The following CNTNAP3 variants were observed in gnomAD, a reference collection of about 807,000 sequenced individuals.
CNTNAP3 encodes contactin associated protein family member 3, also known as contactin-associated protein-like 3.
CNTNAP3 carries 36 observed loss-of-function variants against 92.1 expected under a neutral mutation model. The observed-to-expected ratio is 0.39, with a 90% confidence interval of 0.30 to 0.52. The LOEUF (loss-of-function observed/expected upper bound fraction) is 0.52, where lower values mean the gene tolerates loss of function less well. Among genes scored for constraint, CNTNAP3 ranks in the 20% least tolerant of loss-of-function variants. CNTNAP3 has a pLI of 0.76. For synonymous variants in CNTNAP3, 232 were observed against 422.3 expected (o/e 0.55, Z 5.53); for missense variants, 534 against 1,069.6 (o/e 0.50, Z 6.98).
intron 15 of CNTNAP3, chr9:39,106,692 C>T (rs1028797724): frequency 3.3e-5 from 5 of 152,100 alleles, no homozygotes; most frequent in Non-Finnish European, 7.4e-5. Flanking sequence ...AAATGAAGGG[C>T]TGAGGTAAAT....
At chr9:39,090,654 C>A (rs1197721355) in intron 18 of CNTNAP3, among the ~76,000 whole-genome samples, 3 of 152,294 alleles carry the variant, frequency 2.0e-5, no homozygotes, top group Non-Finnish European at 4.4e-5. Flanking sequence ...TATCAAATTT[C>A]TTCTTCTTAA....
intron 13 of CNTNAP3, among the ~76,000 whole-genome samples, chr9:39,124,059 G>T (rs564060256): frequency 7.9e-5 from 12 of 152,116 alleles, no homozygotes; most frequent in African/African-American, 2.9e-4. Flanking sequence ...GATGTAATAG[G>T]TAACAGCTCT....
At chr9:39,075,009 C>A (rs1167002496) in intron 23 of CNTNAP3, among the ~76,000 whole-genome samples, 1 of 152,250 alleles carries the variant, frequency 6.6e-6, no homozygotes, top group Non-Finnish European at 1.5e-5. Flanking sequence ...ACCTCATGAT[C>A]CGTCCGCCTC....
In CNTNAP3 at chr9:39,081,501, G is replaced by T. The variant is rs561687187; in HGVS notation, c.3443-2581C>A. ...AAATTCACGTTTGCACAAATTCCTG[G>T]TCATGGCTTTTGATAACACTTTCAG... On this transcript the variant is annotated intron_variant, in intron 21 of 23. Transcript: ENST00000297668. Among the ~76,000 whole-genome samples the T allele has an allele frequency of 4.4e-3, 656 of 149,662 alleles. 7 individuals are homozygous for T. Among genetic ancestry groups the T allele is most frequent in the African/African-American group, 0.016 (629 of 40,528 alleles).
Position 39,089,883 on chromosome 9 carries a change from T to C in CNTNAP3, c.2996-1236A>G, listed in dbSNP as rs146481257. 5.3e-3 allele frequency among the ~76,000 whole-genome samples: 800 copies of C among 152,324 alleles called. 6 individuals are homozygous for C. Among genetic ancestry groups the C allele is most frequent in the African/African-American group, 0.018 (751 of 41,576 alleles). On this transcript the variant is annotated intron_variant, in intron 18 of 23. Coordinates refer to ENST00000297668, the MANE Select transcript of CNTNAP3 (RefSeq NM_033655.5). ...TGAAGAAATATCTATTTATAAGCTTTACCTATTATTTAATTGGGTTAAATT... is the reference window on the plus strand; with the variant it reads ...TGAAGAAATATCTATTTATAAGCTTCACCTATTATTTAATTGGGTTAAATT...
At chr9:39,109,334 C>G (rs774811328) in intron 14 of CNTNAP3, 47 bp from the exon 15 acceptor site, 2 of 1,604,290 alleles carry the variant, frequency 1.2e-6, no homozygotes, top group Non-Finnish European at 1.7e-6. Flanking sequence ...GATTAACATA[C>G]GGGCAAAATT....
At chr9:39,145,079 A>T (rs1033125840) in intron 10 of CNTNAP3, among the ~76,000 whole-genome samples, 1 of 139,876 alleles carries the variant, frequency 7.1e-6, no homozygotes, top group Non-Finnish European at 1.6e-5. Flanking sequence ...GAATTCTTGG[A>T]ATCTGCTGCC....
At chr9:39,104,502 A>G (rs1170233039) in intron 15 of CNTNAP3, among the ~76,000 whole-genome samples, 2 of 150,680 alleles carry the variant, frequency 1.3e-5, no homozygotes. Flanking sequence ...ACACACACAC[A>G]CACACACACA....
chr9:39,084,321 T>A (rs1826019845), intron 21 of CNTNAP3, among the ~76,000 whole-genome samples: 1 of 149,982 alleles, frequency 6.7e-6, no homozygotes, highest in African/African-American at 2.5e-5. Flanking sequence ...GCCTCCCGAG[T>A]AGCTGGGACT....
At chr9:39,075,912 G>A (rs1180599819) in intron 23 of CNTNAP3, among the ~76,000 whole-genome samples, 4 of 152,420 alleles carry the variant, frequency 2.6e-5, no homozygotes, top group African/African-American at 9.6e-5. Context: ...ATGATGAGGA[G>A]AAATTATATT....
intron 13 of CNTNAP3, among the ~76,000 whole-genome samples, chr9:39,120,954 A>G (rs961026878): frequency 6.6e-6 from 1 of 152,176 alleles, no homozygotes; most frequent in Admixed American, 6.5e-5. Context: ...TGGGGAAGAT[A>G]AAGGACCCAA....
intron 23 of CNTNAP3, among the ~76,000 whole-genome samples, chr9:39,074,311 G>T (rs1185148796): frequency 6.6e-6 from 1 of 151,694 alleles, no homozygotes; most frequent in Non-Finnish European, 1.5e-5. Context: ...TTACAGGTGT[G>T]AGTTACCGTG....
chr9:39,115,658 G>T (rs2117948405), intron 14 of CNTNAP3, among the ~76,000 whole-genome samples: 1 of 151,972 alleles, frequency 6.6e-6, no homozygotes, highest in East Asian at 1.9e-4. Flanking sequence ...ATGTAGGAGG[G>T]GAGTTAATTT....
At chr9:39,085,897 A>C in intron 20 of CNTNAP3, 74 bp from the exon 21 acceptor site, 1 of 1,289,702 alleles carries the variant, frequency 7.8e-7, no homozygotes, top group Non-Finnish European at 1.1e-6. Context: ...AAGGAAGATG[A>C]GGAAAGGAAA....
Position 39,085,862 on chromosome 9 carries a change from G to A in CNTNAP3, c.3355-39C>T, listed in dbSNP as rs1043592628. 4 of 1,473,964 alleles carry A rather than the reference G, an allele frequency of 2.7e-6. No individual in the cohort carries two copies. In the African/African-American group the frequency reaches 5.8e-5, roughly 21 times the overall value. The allele number at this position is 1,473,964 out of a possible 1,614,324, so 91.3% of individuals were successfully genotyped here. ...CATGAGAAGCAAACATCAACAGAAA[G>A]TACAATTTTAATGATAAGGAAGCAA... On this transcript the variant is annotated intron_variant, in intron 20 of 23. Transcript: ENST00000297668.
chr9:39,152,944 G>A (rs1003180358), intron 9 of CNTNAP3, among the ~76,000 whole-genome samples: 11 of 111,446 alleles, frequency 9.9e-5, no homozygotes, highest in African/African-American at 4.2e-4. Context: ...GGGATTACAG[G>A]TGTAAGCCAC....
chr9:39,096,809 CCTT>C (rs1356465862), intron 18 of CNTNAP3, among the ~76,000 whole-genome samples: 1 of 151,208 alleles, frequency 6.6e-6, no homozygotes, highest in Non-Finnish European at 1.5e-5. Flanking sequence ...TTTAAAATTT[CCTT>C]CTTGACTTTG....
rs201330379 is a variant in CNTNAP3, at chr9:39,073,499, T to A, written c.*391A>T. The A allele has an allele frequency of 0.065, 18,486 of 283,926 alleles. 22 individuals are homozygous for A. Among genetic ancestry groups the A allele is most frequent in the Admixed American group, 0.12 (2,498 of 20,252 alleles). The allele number at this position is 283,926 out of a possible 1,614,324, so 17.6% of individuals were successfully genotyped here. A position where few individuals can be genotyped will look rare whatever the true frequency, so the allele number is the denominator to read the frequency against. ...ATCTGAACAAAAGTTCTGTCATTTT[T>A]AAAAAATAAAGTAGGGCCACAGCTT... On this transcript the variant is annotated 3_prime_UTR_variant, in exon 24 of 24. Coordinates refer to ENST00000297668, the MANE Select transcript of CNTNAP3 (RefSeq NM_033655.5).
In CNTNAP3 at chr9:39,066,228, A is replaced by G. The variant is rs528104357; in HGVS notation, c.*7662T>C. 2.0e-5 allele frequency among the ~76,000 whole-genome samples: 3 copies of G among 152,360 alleles called. No individual in the cohort carries two copies. Among genetic ancestry groups the G allele is most frequent in the African/African-American group, 7.2e-5 (3 of 41,586 alleles). On this transcript the variant is annotated 3_prime_UTR_variant, in exon 24 of 24. Coordinates refer to ENST00000297668, the MANE Select transcript of CNTNAP3 (RefSeq NM_033655.5). Reference sequence around the variant, plus strand: ...ATAGCCAACTTTTAATAGGCATTATACGACTTTACACACAGTCTAAGAACC... The same window carrying G: ...ATAGCCAACTTTTAATAGGCATTATGCGACTTTACACACAGTCTAAGAACC...
Sources: gnomAD v4.1 joint callset for allele counts (sites outside exome capture counted in the v4.1 genomes callset) on GRCh38, gnomAD v4.1.1 for gene constraint, MANE v1.5 for transcripts, NCBI Gene and HGNC (gene_info 2026-07-23, HGNC 2026-07-21) for gene names.